SPMIP2: variants seen among roughly 807,000 people sequenced by gnomAD.
The protein encoded by SPMIP2 is protein SPMIP2.
At chr4:158,904,393 TAAAA>T in the SPMIP2 span, 1 of 1,352,296 alleles carries the variant, frequency 7.4e-7, no homozygotes, top group Non-Finnish European at 1.0e-6. Flanking sequence ...TACTTTCTCA[TAAAA>T]AGAAATAATA....
chr4:158,895,926 C>G, the SPMIP2 span: 2 of 1,261,664 alleles, frequency 1.6e-6, no homozygotes, highest in Admixed American at 1.9e-5. Flanking sequence ...ATTGTACCCA[C>G]TAACGTGTTT....
At chr4:158,967,833 G>A in the SPMIP2 span, among the ~76,000 whole-genome samples, 1 of 152,182 alleles carries the variant, frequency 6.6e-6, no homozygotes, top group African/African-American at 2.4e-5. Context: ...TTGTATAGGA[G>A]TTTAGAAGAA....
chr4:158,919,497 G>A, the SPMIP2 span, among the ~76,000 whole-genome samples: 1 of 152,102 alleles, frequency 6.6e-6, no homozygotes, highest in African/African-American at 2.4e-5. Flanking sequence ...TGCATCTTTG[G>A]ACAGGAATAA....
At chr4:159,082,066 C>T in the SPMIP2 span, among the ~76,000 whole-genome samples, 2 of 151,692 alleles carry the variant, frequency 1.3e-5, no homozygotes, top group African/African-American at 4.8e-5. Flanking sequence ...GCCTGTAATC[C>T]CAACACTTTG....
the SPMIP2 span, among the ~76,000 whole-genome samples, chr4:159,023,118 T>C: frequency 6.6e-6 from 1 of 152,126 alleles, no homozygotes; most frequent in African/African-American, 2.4e-5. Flanking sequence ...TCAACTTGAC[T>C]GGGCTAAAGG....
At chr4:158,906,705 CA>C in the SPMIP2 span, 1 of 152,128 alleles carries the variant, frequency 6.6e-6, no homozygotes, top group Middle Eastern at 3.4e-3. Flanking sequence ...CTATTGCCTA[CA>C]AAAATAGACC....
chr4:159,045,357 A>ATGATGAAGTCATAGG, the SPMIP2 span, among the ~76,000 whole-genome samples: 1 of 152,080 alleles, frequency 6.6e-6, no homozygotes, highest in Non-Finnish European at 1.5e-5. Context: ...TATTTTTGAG[A>ATGATGAAGTCATAGG]TACATTATTT....
the SPMIP2 span, chr4:159,035,035 G>C: frequency 1.9e-6 from 3 of 1,611,334 alleles, no homozygotes; most frequent in Non-Finnish European, 2.5e-6. Context: ...CTATTTACCT[G>C]TAAAAATCAT....
At chr4:158,944,904 A>T in the SPMIP2 span, among the ~76,000 whole-genome samples, 1,678 of 152,228 alleles carry the variant, frequency 0.011, 11 homozygotes, top group Middle Eastern at 0.02. Flanking sequence ...CCCTGCTCAC[A>T]TCTATCTTCC....
chr4:158,904,607 G>C, the SPMIP2 span: 1 of 1,359,264 alleles, frequency 7.4e-7, no homozygotes, highest in Non-Finnish European at 1.0e-6. Flanking sequence ...GAAGGAGAAA[G>C]GAATAAGCTC....
At chr4:158,965,683 A>AG in the SPMIP2 span, among the ~76,000 whole-genome samples, 1 of 147,524 alleles carries the variant, frequency 6.8e-6, no homozygotes, top group African/African-American at 2.5e-5. Context: ...AAAAAAAAAA[A>AG]GGTACATAGT....
At chr4:158,928,660 C>T in the SPMIP2 span, among the ~76,000 whole-genome samples, 36 of 152,290 alleles carry the variant, frequency 2.4e-4, no homozygotes, top group Admixed American at 1.8e-3. Flanking sequence ...AGTGGCAACC[C>T]GCTCGGGTAC....
At chr4:158,964,014 G>A in the SPMIP2 span, among the ~76,000 whole-genome samples, 11 of 152,094 alleles carry the variant, frequency 7.2e-5, no homozygotes, top group Non-Finnish European at 1.3e-4. Context: ...AATTAGCCAG[G>A]CATGGTGGCG....
the SPMIP2 span, among the ~76,000 whole-genome samples, chr4:159,044,368 CA>C: frequency 4.4e-3 from 438 of 100,252 alleles, 1 homozygote; most frequent in African/African-American, 0.013. Context: ...GACTCCATCT[CA>C]AAAAAAAAAA....
At chr4:159,069,597 G>A in the SPMIP2 span, among the ~76,000 whole-genome samples, 2 of 149,406 alleles carry the variant, frequency 1.3e-5, no homozygotes, top group Non-Finnish European at 3.0e-5. Flanking sequence ...ACCACACCTG[G>A]CTAATTAAAA....
At chr4:159,060,260 C>T in the SPMIP2 span, among the ~76,000 whole-genome samples, 5 of 152,210 alleles carry the variant, frequency 3.3e-5, no homozygotes, top group Non-Finnish European at 5.9e-5. Context: ...AAGAGGGACA[C>T]GGATTCAGAG....
the SPMIP2 span, chr4:158,915,020 G>T: frequency 1.6e-6 from 1 of 634,124 alleles, no homozygotes; most frequent in Non-Finnish European, 2.7e-6. Flanking sequence ...CATCACTGTG[G>T]CAATCCAGTA....
At chr4:159,011,204 T>G in the SPMIP2 span, among the ~76,000 whole-genome samples, 1 of 152,150 alleles carries the variant, frequency 6.6e-6, no homozygotes, top group Admixed American at 6.6e-5. Flanking sequence ...GCCTGAAAAA[T>G]GAAAATGTAA....
chr4:158,955,143 AATACAC>A, the SPMIP2 span, among the ~76,000 whole-genome samples: 192 of 152,248 alleles, frequency 1.3e-3, 2 homozygotes, highest in East Asian at 0.034. Flanking sequence ...AAAGATTTAA[AATACAC>A]ACACACACAC....
Sources: allele counts gnomAD v4.1 joint callset (sites outside exome capture counted in the v4.1 genomes callset), GRCh38; gene constraint gnomAD v4.1.1; transcripts MANE v1.5; gene names NCBI Gene and HGNC (gene_info 2026-07-23, HGNC 2026-07-21).